The following MYO18B variants were observed in gnomAD, a reference collection of about 807,000 sequenced individuals.
MYO18B encodes the protein myosin XVIIIB, also known as unconventional myosin-XVIIIb.
Under a neutral mutation model 273.0 loss-of-function variants are expected in MYO18B, and 204 were observed. That is an observed-to-expected ratio of 0.75 (90% CI 0.67 to 0.84). The LOEUF (loss-of-function observed/expected upper bound fraction) is 0.84, where lower values mean the gene tolerates loss of function less well. Ranked by LOEUF, MYO18B falls within the 40% of genes least tolerant of loss-of-function variation. MYO18B has a pLI of 0.00. For synonymous variants in MYO18B, 1,330 were observed against 1,305.7 expected, an observed-to-expected ratio of 1.02 and a Z score of -0.40; for missense variants, 3,212 against 3,287.6, an observed-to-expected ratio of 0.98 and a Z score of 0.56.
At chr22:25,818,888 A>G (rs533849660) in intron 12 of MYO18B, among the ~76,000 whole-genome samples, 2 of 152,214 alleles carry the variant, frequency 1.3e-5, no homozygotes, top group East Asian at 1.9e-4. Flanking sequence ...ATTCCGTTTC[A>G]CAGACAAACT....
intron 28 of MYO18B, chr22:25,895,562 A>T: frequency 3.4e-6 from 1 of 295,622 alleles, no homozygotes. Flanking sequence ...TTTCTACGTG[A>T]ACCTTGTGGA....
intron 23 of MYO18B, 105 bp downstream of exon 23, chr22:25,874,519 CA>C: frequency 7.3e-7 from 1 of 1,372,456 alleles, no homozygotes; most frequent in South Asian, 1.4e-5. Context: ...TCCAAGGATC[CA>C]ACCTGAGCAG....
At position 26,026,533 on chromosome 22, in the gene MYO18B, T is replaced by A; in HGVS notation, c.6559T>A (p.Ser2187Thr). The A allele has an allele frequency of 6.2e-7, 1 of 1,613,858 alleles. No homozygotes were observed. ...ARSTNVHSKT[S>T]GDKPVSPHFV... ...GTCCACCAATGTCCACAGCAAGACC[T>A]CAGGAGACAAGCCTGTTTCTCCCCA... Residue 2187 changes from serine (S) to threonine (T), a missense_variant, in exon 43 of 44, where the codon TCA (serine) becomes ACA (threonine). Transcript: ENST00000335473.
At chr22:25,822,179 C>T (rs922744303) in intron 12 of MYO18B, among the ~76,000 whole-genome samples, 15 of 152,212 alleles carry the variant, frequency 9.9e-5, no homozygotes, top group Admixed American at 2.6e-4. Context: ...ATTCCTTTAA[C>T]ACACCATGCT....
At chr22:25,839,074 A>T (rs1324327416) in intron 17 of MYO18B, among the ~76,000 whole-genome samples, 1 of 150,614 alleles carries the variant, frequency 6.6e-6, no homozygotes, top group African/African-American at 2.5e-5. Context: ...ATATGTATGT[A>T]TATATGTATT....
Position 25,851,685 on chromosome 22 carries a change from C to T in MYO18B, c.3885+106C>T. On this transcript the variant is annotated intron_variant, in intron 21 of 43. Coordinates refer to ENST00000335473, the MANE Select transcript of MYO18B (RefSeq NM_032608.7). ...GGTGAGTGGCTCATGCCTGTAATCT[C>T]AGTGCTTTGGGATACCCAGGTGGGT... 3.6e-6 allele frequency: 3 copies of T among 836,070 alleles called. 1 individual carries two copies. The South Asian group carries it at 4.4e-5, about 12-fold the overall frequency. 51.8% of individuals were successfully genotyped at this position (836,070 alleles called of 1,614,324 possible). A position where few individuals can be genotyped will look rare whatever the true frequency, so the allele number is the denominator to read the frequency against.
chr22:25,950,478 G>GTATT, intron 37 of MYO18B, 28 bp downstream of exon 37: 2 of 1,553,496 alleles, frequency 1.3e-6, no homozygotes, highest in Non-Finnish European at 1.7e-6. Flanking sequence ...TCCTATAGTT[G>GTATT]TATTAGTCAG....
At chr22:26,000,597 T>A (rs1335849009) in intron 40 of MYO18B, among the ~76,000 whole-genome samples, 4 of 147,570 alleles carry the variant, frequency 2.7e-5, no homozygotes, top group African/African-American at 7.5e-5. Flanking sequence ...TTTTTTTTTT[T>A]AAATCTCCTG....
intron 31 of MYO18B, among the ~76,000 whole-genome samples, chr22:25,904,986 G>T (rs541771775): frequency 2.6e-5 from 4 of 151,858 alleles, no homozygotes; most frequent in Non-Finnish European, 5.9e-5. Flanking sequence ...GACTTCTTCT[G>T]ATGCTTGGCT....
At position 25,908,426 on chromosome 22, in the gene MYO18B, G is replaced by A. The variant is rs1005429331; in HGVS notation, c.5253G>A (p.Gln1751=). The A allele has an allele frequency of 5.0e-6, 8 of 1,585,668 alleles. No homozygotes were observed. In the Middle Eastern group the frequency reaches 5.0e-4, roughly 99 times the overall value. The stretch of plus-strand genomic sequence containing the variant: ...TGGAGGATGTCCGTCAGTCCTGCCA[G>A]AAGCGGGTACGTGAGCAGTGAACAC... ...EELEDVRQSC[Q]KRLHQLEMQL... is the part of the protein sequence containing the mutation. Residue 1751 remains glutamine, a synonymous_variant, in exon 32 of 44, where the codon CAG becomes CAA. Coordinates refer to ENST00000335473, the MANE Select transcript of MYO18B (RefSeq NM_032608.7).
At chr22:25,955,473 C>G in intron 39 of MYO18B, 109 bp downstream of exon 39, 3 of 1,175,490 alleles carry the variant, frequency 2.6e-6, no homozygotes, top group Non-Finnish European at 3.5e-6. Context: ...GGGTCCTGGG[C>G]CTCAGGGGTG....
At chr22:26,058,586 G>A in the MYO18B span, among the ~76,000 whole-genome samples, 2 of 152,118 alleles carry the variant, frequency 1.3e-5, no homozygotes, top group African/African-American at 4.8e-5. Context: ...GAAGTGTTAG[G>A]GTCAAAGAGA....
At chr22:25,960,056 G>T (rs982175821) in intron 39 of MYO18B, among the ~76,000 whole-genome samples, 1 of 152,178 alleles carries the variant, frequency 6.6e-6, no homozygotes, top group Non-Finnish European at 1.5e-5. Context: ...GTTGTTGCAT[G>T]TGAATGATTT....
chr22:26,006,935 G>A (rs967858484), intron 42 of MYO18B, among the ~76,000 whole-genome samples: 11 of 152,178 alleles, frequency 7.2e-5, no homozygotes, highest in African/African-American at 2.4e-4. Flanking sequence ...TCAGAGAAGG[G>A]GGAGCAACTG....
the MYO18B span, among the ~76,000 whole-genome samples, chr22:26,039,600 T>C: frequency 6.8e-6 from 1 of 148,094 alleles, no homozygotes; most frequent in African/African-American, 2.6e-5. Context: ...CCTCTGTTTT[T>C]AGGTTTTTTT....
chr22:25,768,930 A>G lies in MYO18B; in HGVS notation c.1014A>G (p.Glu338=), dbSNP rs1335574531. ...WDGPQNKKDK[E]GVLLSKAEKT... is the part of the protein sequence containing the mutation. ...GTCCCCAGAATAAGAAGGACAAAGAAGGGGTGCTCTTAAGTAAGGCAGAGA... is the reference window on the plus strand; with the variant it reads ...GTCCCCAGAATAAGAAGGACAAAGAGGGGGTGCTCTTAAGTAAGGCAGAGA... The change falls in exon 4 of 44, where the codon GAA becomes GAG. Residue 338 remains glutamate (E), a synonymous_variant. Transcript: ENST00000335473. 1 of 1,612,408 alleles carries G rather than the reference A, an allele frequency of 6.2e-7. No individual in the cohort carries two copies. Among genetic ancestry groups the G allele is most frequent in the Non-Finnish European group, 8.5e-7 (1 of 1,179,312 alleles).
chr22:25,786,291 G>A (rs561185703), intron 11 of MYO18B, among the ~76,000 whole-genome samples: 12 of 152,168 alleles, frequency 7.9e-5, no homozygotes, highest in African/African-American at 2.9e-4. Context: ...GAAATGCTGC[G>A]GGCACCACAA....
At position 26,026,895 on chromosome 22, in the gene MYO18B, A is replaced by C; in HGVS notation, c.6921A>C (p.Ala2307=). The change falls in exon 43 of 44, where the codon GCA becomes GCC. Residue 2307 remains alanine, a synonymous_variant. Transcript: ENST00000335473. ...GAAACCTCTCGCTGAGGGTTGGGGCAAAGTCACCCCTGGAAATCGAAGGGG... is the reference window on the plus strand; with the variant it reads ...GAAACCTCTCGCTGAGGGTTGGGGCCAAGTCACCCCTGGAAATCGAAGGGG... The part of the protein sequence containing the change: ...DEGNLSLRVG[A]KSPLEIEGAA... 1 of 1,606,054 alleles carries C rather than the reference A, an allele frequency of 6.2e-7. No individual in the cohort carries two copies. Among genetic ancestry groups the C allele is most frequent in the Non-Finnish European group, 8.5e-7 (1 of 1,175,280 alleles).
intron 12 of MYO18B, among the ~76,000 whole-genome samples, chr22:25,820,506 A>G (rs2089235428): frequency 1.3e-5 from 2 of 151,956 alleles, no homozygotes; most frequent in Non-Finnish European, 2.9e-5. Flanking sequence ...ACACATTTAT[A>G]GGAAAATAAG....
Sources: gnomAD v4.1 joint callset for allele counts (sites outside exome capture counted in the v4.1 genomes callset) on GRCh38, gnomAD v4.1.1 for gene constraint, MANE v1.5 for transcripts, NCBI Gene and HGNC (gene_info 2026-07-23, HGNC 2026-07-21) for gene names.